SMOC2: variants seen among roughly 807,000 people sequenced by gnomAD.
SMOC2 encodes the protein SPARC related modular calcium binding 2.
Under a neutral mutation model 61.4 loss-of-function variants are expected in SMOC2, and 39 were observed. The ratio of observed to expected loss-of-function variants is 0.64; its 90% confidence interval spans 0.49 to 0.83. SMOC2 has a LOEUF of 0.83. SMOC2 is among the 40% of genes least tolerant of loss of function. The pLI is 0.00. For missense variants in SMOC2, 556 were observed against 592.9 expected (o/e 0.94, Z 0.65); for synonymous variants, 247 against 239.9 (o/e 1.03, Z -0.27).
At chr6:168,520,256 C>T (rs775347550) in intron 2 of SMOC2, among the ~76,000 whole-genome samples, 3 of 152,212 alleles carry the variant, frequency 2.0e-5, no homozygotes, top group Non-Finnish European at 4.4e-5. Flanking sequence ...TGACTCTGGC[C>T]TTCAAAATTA....
At chr6:168,629,517 A>C (rs1786510796) in intron 9 of SMOC2, among the ~76,000 whole-genome samples, 1 of 152,230 alleles carries the variant, frequency 6.6e-6, no homozygotes, top group Non-Finnish European at 1.5e-5. Flanking sequence ...GTCTCTTGTC[A>C]TCTGGGAAAT....
chr6:168,533,424 A>T (rs1356601631), intron 4 of SMOC2, among the ~76,000 whole-genome samples: 1 of 152,272 alleles, frequency 6.6e-6, no homozygotes, highest in Admixed American at 6.5e-5. Flanking sequence ...AGAAAAAAAT[A>T]CACTTCATAA....
chr6:168,526,230 C>A, intron 2 of SMOC2, 116 bp from the exon 3 acceptor site: 3 of 881,074 alleles, frequency 3.4e-6, no homozygotes, highest in Middle Eastern at 2.8e-4. Flanking sequence ...CCTTTCCAGC[C>A]TCCAGGTCCT....
At chr6:168,636,986 TCCTCCCG>T (rs1294987055) in intron 9 of SMOC2, among the ~76,000 whole-genome samples, 5 of 139,934 alleles carry the variant, frequency 3.6e-5, no homozygotes, top group African/African-American at 1.3e-4. Flanking sequence ...CTTTCCTCCC[TCCTCCCG>T]CCTCCCTCAC....
rs1782066281 is a variant in SMOC2, at chr6:168,475,764, G to A, written c.85-34151G>A. The stretch of plus-strand genomic sequence containing the variant: ...AGAAGTAGTGAAGGGCAGTATTGGT[G>A]GAATAGGCAGGAGAGGGAGACAACG... On this transcript the variant is annotated intron_variant, in intron 1 of 12. Coordinates refer to ENST00000356284, the MANE Select transcript of SMOC2 (RefSeq NM_001166412.2). This position sits in a 1 kb window ranked among gnomAD's most constrained non-coding sequence, Gnocchi z 4.6. Among the ~76,000 whole-genome samples, 1 of 152,162 alleles carries A rather than the reference G, an allele frequency of 6.6e-6. No homozygotes were observed. Among genetic ancestry groups the A allele is most frequent in the Non-Finnish European group, 1.5e-5 (1 of 68,022 alleles).
intron 7 of SMOC2, among the ~76,000 whole-genome samples, chr6:168,560,411 C>A (rs947903586): frequency 2.0e-5 from 3 of 152,242 alleles, no homozygotes; most frequent in Non-Finnish European, 2.9e-5. Context: ...TGGTTACTGA[C>A]AAACAGTCTT....
intron 7 of SMOC2, among the ~76,000 whole-genome samples, chr6:168,574,578 C>A (rs546328870): frequency 6.6e-6 from 1 of 152,174 alleles, no homozygotes; most frequent in African/African-American, 2.4e-5. Context: ...TTGCCTGGAA[C>A]GTCTGCAGAT....
In SMOC2 at chr6:168,613,154, C is replaced by T. The variant is rs141551436; in HGVS notation, c.907+4915C>T. Among the ~76,000 whole-genome samples the T allele has an allele frequency of 4.3e-3, 658 of 152,310 alleles. 8 individuals are homozygous for T. Among genetic ancestry groups the T allele is most frequent in the Non-Finnish European group, 3.7e-3 (255 of 68,016 alleles). On this transcript the variant is annotated intron_variant, in intron 9 of 12. Coordinates refer to ENST00000356284, the MANE Select transcript of SMOC2 (RefSeq NM_001166412.2). ...TTCGTCATTGTGACGATCTGCGCTG[C>T]GTGCAGTCTGATCTCACTCTCAGGC...
intron 9 of SMOC2, among the ~76,000 whole-genome samples, chr6:168,641,084 T>G (rs1786880944): frequency 6.6e-6 from 1 of 152,014 alleles, no homozygotes; most frequent in South Asian, 2.1e-4. Context: ...CAGGCAGAAA[T>G]AGTTGTTTTG....
chr6:168,525,332 C>T (rs1200937059), intron 2 of SMOC2, among the ~76,000 whole-genome samples: 2 of 152,162 alleles, frequency 1.3e-5, no homozygotes, highest in Non-Finnish European at 2.9e-5. Flanking sequence ...ATGCTGGGCT[C>T]ACAGCTTTCA....
intron 12 of SMOC2, among the ~76,000 whole-genome samples, chr6:168,665,779 G>A (rs1218328978): frequency 2.0e-5 from 3 of 152,092 alleles, no homozygotes; most frequent in Non-Finnish European, 4.4e-5. Flanking sequence ...TATCAAGGGG[G>A]AATAAAAGCC....
At chr6:168,575,397 T>C (rs1241684439) in intron 7 of SMOC2, among the ~76,000 whole-genome samples, 3 of 152,142 alleles carry the variant, frequency 2.0e-5, no homozygotes, top group Non-Finnish European at 4.4e-5. Context: ...AGTAAAATAT[T>C]GTTGGGAAGA....
At chr6:168,506,994 G>A (rs1010071388) in intron 1 of SMOC2, among the ~76,000 whole-genome samples, 3 of 152,140 alleles carry the variant, frequency 2.0e-5, no homozygotes, top group Non-Finnish European at 2.9e-5. Context: ...AGGAGGAAGG[G>A]GAGAAACATG....
rs145701129 is a variant in SMOC2, at chr6:168,619,936, T to A, written c.907+11697T>A. ...TACTCTACGTACCAGTCATGGTCAC[T>A]GTGCTCCGGCAGGCCGTTGTCCAGC... On this transcript the variant is annotated intron_variant, in intron 9 of 12. Coordinates refer to ENST00000356284, the MANE Select transcript of SMOC2 (RefSeq NM_001166412.2). Among the ~76,000 whole-genome samples the A allele has an allele frequency of 4.6e-5, 7 of 152,350 alleles. No individual in the cohort carries two copies. The East Asian group carries it at 1.4e-3, about 29-fold the overall frequency.
intron 9 of SMOC2, among the ~76,000 whole-genome samples, chr6:168,636,903 GCCCGCATCCCTCCTCCCT>G (rs1786747653): frequency 2.0e-5 from 1 of 50,156 alleles, no homozygotes; most frequent in Non-Finnish European, 3.4e-5. Context: ...CCTCCCTCCT[GCCCGCATCCCTCCTCCCT>G]CCTCCCCCCT....
intron 9 of SMOC2, among the ~76,000 whole-genome samples, chr6:168,612,795 G>C (rs1785914845): frequency 6.6e-6 from 1 of 151,572 alleles, no homozygotes; most frequent in East Asian, 1.9e-4. Flanking sequence ...AGGAGATGCA[G>C]GCGAAAGACA....
At chr6:168,602,273 G>T (rs1382526699) in intron 8 of SMOC2, among the ~76,000 whole-genome samples, 1 of 152,200 alleles carries the variant, frequency 6.6e-6, no homozygotes, top group Non-Finnish European at 1.5e-5. Flanking sequence ...AGTTCTGGAT[G>T]ATTTCAGCGG....
At chr6:168,615,664 G>GCCAGCACATGGA (rs1562384543) in intron 9 of SMOC2, among the ~76,000 whole-genome samples, 1 of 92,192 alleles carries the variant, frequency 1.1e-5, no homozygotes, top group Admixed American at 1.1e-4. Context: ...CAGCACAGGG[G>GCCAGCACATGGA]GCCTCTTCAC....
intron 2 of SMOC2, among the ~76,000 whole-genome samples, chr6:168,518,985 G>A (rs1033007074): frequency 2.0e-5 from 3 of 149,722 alleles, no homozygotes; most frequent in African/African-American, 4.9e-5. Context: ...GTATGCATGC[G>A]TGTGTATGCG....
Sources: allele counts gnomAD v4.1 joint callset (sites outside exome capture counted in the v4.1 genomes callset), GRCh38; gene constraint gnomAD v4.1.1; non-coding constraint Gnocchi (gnomAD v3.1); transcripts MANE v1.5; gene names NCBI Gene and HGNC (gene_info 2026-07-23, HGNC 2026-07-21).